FAM83B: variants seen among roughly 807,000 people sequenced by gnomAD.
The protein encoded by FAM83B is protein FAM83B.
FAM83B carries 26 observed loss-of-function variants against 38.8 expected under a neutral mutation model. The observed-to-expected ratio is 0.67, with a 90% CI of 0.49 to 0.93. The LOEUF (loss-of-function observed/expected upper bound fraction) is 0.93, where lower values mean the gene tolerates loss of function less well. Among genes scored for constraint, FAM83B ranks in the 40% least tolerant of loss-of-function variants. The pLI, the probability that FAM83B is intolerant of heterozygous loss-of-function variation, is 0.00. For synonymous variants in FAM83B, 419 were observed against 423.1 expected, an observed-to-expected ratio of 0.99 and a Z score of 0.12; for missense variants, 1,237 against 1,197.3, an observed-to-expected ratio of 1.03 and a Z score of -0.49.
chr6:54,911,257 T>A (rs1413439208), intron 2 of FAM83B, among the ~76,000 whole-genome samples: 1 of 151,402 alleles, frequency 6.6e-6, no homozygotes, highest in Non-Finnish European at 1.5e-5. Flanking sequence ...GATGTTAGAA[T>A]TGAAAGAAAT....
At chr6:54,927,669 G>A (rs1213044448) in intron 4 of FAM83B, 37 bp downstream of exon 4, 8 of 1,219,156 alleles carry the variant, frequency 6.6e-6, no homozygotes, top group Non-Finnish European at 8.4e-6. Flanking sequence ...GTTATCAATC[G>A]TTTTGATGAT....
intron 2 of FAM83B, among the ~76,000 whole-genome samples, chr6:54,898,375 T>C (rs2207026): frequency 0.65 from 98,073 of 152,020 alleles, 33,598 homozygotes; most frequent in East Asian, 0.89. Context: ...CAGGGTTGGG[T>C]CGCCTCTACA....
intron 2 of FAM83B, among the ~76,000 whole-genome samples, chr6:54,904,797 G>T (rs1456081509): frequency 2.6e-5 from 4 of 152,212 alleles, no homozygotes; most frequent in African/African-American, 9.6e-5. Context: ...GGCATAGTAG[G>T]AGTGGGTGGC....
chr6:54,920,179 T>A (rs80089504), intron 2 of FAM83B, among the ~76,000 whole-genome samples: 6 of 151,904 alleles, frequency 3.9e-5, no homozygotes, highest in African/African-American at 1.4e-4. Context: ...ATTTTTTTTT[T>A]CTGAAATCAT....
At chr6:54,860,085 T>G (rs1012452680) in intron 1 of FAM83B, among the ~76,000 whole-genome samples, 1 of 152,074 alleles carries the variant, frequency 6.6e-6, no homozygotes. Context: ...CTTTTGTTTT[T>G]GGGTGAATTT....
intron 1 of FAM83B, 88 bp downstream of exon 1, chr6:54,846,914 G>T (rs2127569838): frequency 1.3e-5 from 2 of 152,194 alleles, no homozygotes; most frequent in Admixed American, 6.5e-5. Context: ...GTACTGGGGG[G>T]GCCCGGGGCT....
rs3996949 is a variant in FAM83B, at chr6:54,876,278, CATATATATATAT to C, written c.444+5619_444+5630del. On this transcript the variant is annotated intron_variant, in intron 2 of 4. Transcript: ENST00000306858. The stretch of plus-strand genomic sequence containing the variant: ...TTAAAATGCAAGTTATTTAGGAGTG[CATATATATATAT>C]ATATATATATATATATATATATATA... 4.2e-3 allele frequency among the ~76,000 whole-genome samples: 405 copies of C among 96,176 alleles called. 1 individual carries two copies. Among genetic ancestry groups the C allele is most frequent in the African/African-American group, 5.9e-3 (134 of 22,630 alleles). 63.1% of individuals were successfully genotyped at this position (96,176 alleles called of 152,430 possible). A position where few individuals can be genotyped will look rare whatever the true frequency, so the allele number is the denominator to read the frequency against.
At chr6:54,852,294 G>C (rs1474804248) in intron 1 of FAM83B, among the ~76,000 whole-genome samples, 1 of 152,178 alleles carries the variant, frequency 6.6e-6, no homozygotes, top group Non-Finnish European at 1.5e-5. Flanking sequence ...AACAGCACAT[G>C]CTCACTTTGT....
chr6:54,873,471 G>A (rs773925513), intron 2 of FAM83B, among the ~76,000 whole-genome samples: 2 of 151,968 alleles, frequency 1.3e-5, no homozygotes, highest in African/African-American at 2.4e-5. Context: ...GATTAAATGT[G>A]GTTTTCATGA....
chr6:54,940,845 A>G lies in FAM83B; in HGVS notation c.1874A>G (p.Asn625Ser). The part of the protein sequence containing the change: ...QVPENHSVAL[N>S]QTTNGHTESN... ...CCTGAAAACCACTCAGTAGCCTTAA[A>G]CCAAACTACAAATGGCCATACTGAA... Residue 625 changes from asparagine (N) to serine (S), a missense_variant, in exon 5 of 5, where the codon AAC (asparagine) becomes AGC (serine). By Grantham distance (46) the Asn-to-Ser change is conservative. Transcript: ENST00000306858. The G allele has an allele frequency of 6.2e-7, 1 of 1,614,016 alleles. No homozygotes were observed. The highest frequency in any genetic ancestry group is 8.5e-7 in the Non-Finnish European group (1 of 1,179,998).
intron 1 of FAM83B, among the ~76,000 whole-genome samples, chr6:54,863,586 C>T (rs541159643): frequency 6.0e-4 from 92 of 152,334 alleles, no homozygotes; most frequent in African/African-American, 2.1e-3. Flanking sequence ...TGAAGACTAC[C>T]CTTTAGTGCA....
At chr6:54,887,812 C>T (rs945335062) in intron 2 of FAM83B, among the ~76,000 whole-genome samples, 3 of 151,724 alleles carry the variant, frequency 2.0e-5, no homozygotes, top group African/African-American at 7.2e-5. Context: ...CACACACACA[C>T]TATACATTGT....
intron 4 of FAM83B, among the ~76,000 whole-genome samples, chr6:54,937,921 T>G (rs1773558951): frequency 6.6e-6 from 1 of 152,070 alleles, no homozygotes; most frequent in Non-Finnish European, 1.5e-5. Flanking sequence ...ACAGTTGGTT[T>G]TTGGTTGCAT....
upstream of FAM83B, among the ~76,000 whole-genome samples, chr6:54,846,436 C>T (rs758752091): frequency 6.6e-6 from 1 of 152,210 alleles, no homozygotes; most frequent in African/African-American, 2.4e-5. Context: ...GATCGCTCCT[C>T]GCCCCAGACC....
At chr6:54,874,960 G>A (rs1248318009) in intron 2 of FAM83B, among the ~76,000 whole-genome samples, 2 of 152,018 alleles carry the variant, frequency 1.3e-5, no homozygotes, top group Admixed American at 6.6e-5. Flanking sequence ...CCATCAGTTG[G>A]CCCCACAGAT....
chr6:54,880,360 T>C (rs1018041354), intron 2 of FAM83B, among the ~76,000 whole-genome samples: 1 of 151,882 alleles, frequency 6.6e-6, no homozygotes, highest in African/African-American at 2.4e-5. Context: ...GTAGCAAAAA[T>C]ATGATACAGA....
chr6:54,938,559 A>C (rs1302373036), intron 4 of FAM83B, among the ~76,000 whole-genome samples: 1 of 152,002 alleles, frequency 6.6e-6, no homozygotes, highest in East Asian at 1.9e-4. Flanking sequence ...TTATGGCCAT[A>C]CTTGCTGGAG....
Position 54,941,809 on chromosome 6 carries a change from T to C in FAM83B, c.2838T>C (p.Ser946=). The C allele has an allele frequency of 6.2e-7, 1 of 1,614,076 alleles. No homozygotes were observed. The highest frequency in any genetic ancestry group is 8.5e-7 in the Non-Finnish European group (1 of 1,179,988). The change falls in exon 5 of 5, where the codon TCT becomes TCC. Residue 946 remains serine (S), a synonymous_variant. Transcript: ENST00000306858. ...AGCCGTTTTGTAAGATTGAGAGCTC[T>C]ATTCAGCCAACAAGCAACATGCCAA... ...RFEPFCKIES[S]IQPTSNMPNT...
At chr6:54,876,626 A>T (rs901481441) in intron 2 of FAM83B, among the ~76,000 whole-genome samples, 2 of 151,980 alleles carry the variant, frequency 1.3e-5, no homozygotes, top group East Asian at 1.9e-4. Context: ...GCTGGAGTGC[A>T]TATAATTTAT....
Sources: gnomAD v4.1 joint callset for allele counts (sites outside exome capture counted in the v4.1 genomes callset) on GRCh38, gnomAD v4.1.1 for gene constraint, MANE v1.5 for transcripts, NCBI Gene and HGNC (gene_info 2026-07-23, HGNC 2026-07-21) for gene names.